COL19A1: variants seen among roughly 807,000 people sequenced by gnomAD.
The protein encoded by COL19A1 is collagen alpha-1(XIX) chain.
A neutral mutation model predicts 190.2 loss-of-function variants in COL19A1; 159 were observed. That is an observed-to-expected ratio of 0.84 (90% CI 0.73 to 0.95). COL19A1 has a LOEUF of 0.95. Ranked by LOEUF, COL19A1 falls within the 40% of genes least tolerant of loss-of-function variation. The pLI, the probability that COL19A1 is intolerant of heterozygous loss-of-function variation, is 0.00. For synonymous variants in COL19A1, 509 were observed against 458.9 expected, an observed-to-expected ratio of 1.11 and a Z score of -1.39; for missense variants, 1,418 against 1,431.9, an observed-to-expected ratio of 0.99 and a Z score of 0.16.
At chr6:69,882,994 C>G (rs1324370148) in intron 2 of COL19A1, among the ~76,000 whole-genome samples, 1 of 152,196 alleles carries the variant, frequency 6.6e-6, no homozygotes, top group Non-Finnish European at 1.5e-5. Flanking sequence ...TGGAGGAAAG[C>G]TTCACAATGA....
At chr6:69,980,141 A>C (rs1250404837) in intron 11 of COL19A1, among the ~76,000 whole-genome samples, 1 of 152,052 alleles carries the variant, frequency 6.6e-6, no homozygotes, top group African/African-American at 2.4e-5. Flanking sequence ...AGTAATTTAG[A>C]AATTTAGGGT....
intron 8 of COL19A1, 67 bp from the exon 9 acceptor site, chr6:69,937,971 A>G (rs1189861550): frequency 1.3e-6 from 2 of 1,501,184 alleles, no homozygotes; most frequent in African/African-American, 1.4e-5. Flanking sequence ...CTTCACATTT[A>G]TAAACCATTT....
At chr6:69,975,274 C>T (rs1453281812) in intron 11 of COL19A1, among the ~76,000 whole-genome samples, 1 of 152,214 alleles carries the variant, frequency 6.6e-6, no homozygotes, top group Non-Finnish European at 1.5e-5. Flanking sequence ...TGTTATAACT[C>T]ATCAGTGTAC....
intron 4 of COL19A1, among the ~76,000 whole-genome samples, chr6:69,913,167 A>G (rs1236587016): frequency 6.6e-6 from 1 of 152,224 alleles, no homozygotes; most frequent in East Asian, 1.9e-4. Flanking sequence ...CTTCTGATTT[A>G]CCCACAATAA....
intron 14 of COL19A1, chr6:70,059,736 C>T (rs57799585): frequency 1.9e-6 from 1 of 514,330 alleles, no homozygotes. Context: ...CCTATGTAGA[C>T]CTATGCAGAT....
At chr6:69,926,678 G>T (rs1170745866) in intron 4 of COL19A1, among the ~76,000 whole-genome samples, 1 of 151,966 alleles carries the variant, frequency 6.6e-6, no homozygotes, top group Non-Finnish European at 1.5e-5. Context: ...TTCTAGGAGT[G>T]GAGAGAGAGT....
intron 1 of COL19A1, among the ~76,000 whole-genome samples, chr6:69,871,293 T>A (rs1202726048): frequency 1.3e-5 from 2 of 152,222 alleles, no homozygotes; most frequent in Non-Finnish European, 2.9e-5. Flanking sequence ...GTGTAACACC[T>A]GTTGTTTTTG....
chr6:70,136,297 A>G (rs1248427169), intron 18 of COL19A1, among the ~76,000 whole-genome samples: 3 of 152,192 alleles, frequency 2.0e-5, no homozygotes, highest in African/African-American at 7.2e-5. Flanking sequence ...TGAGGCTTCA[A>G]AATGAACAAT....
chr6:69,910,398 A>G (rs1390196682), intron 4 of COL19A1, among the ~76,000 whole-genome samples: 1 of 152,164 alleles, frequency 6.6e-6, no homozygotes, highest in Non-Finnish European at 1.5e-5. Context: ...TTCACCTAAA[A>G]TTTCAAAAAT....
intron 10 of COL19A1, among the ~76,000 whole-genome samples, chr6:69,961,972 C>A (rs1190776247): frequency 1.3e-5 from 2 of 152,086 alleles, no homozygotes; most frequent in Non-Finnish European, 2.9e-5. Flanking sequence ...AGATCAGAAA[C>A]CCTCTATCTC....
chr6:70,137,871 A>G, intron 19 of COL19A1, 124 bp downstream of exon 19: 1 of 825,840 alleles, frequency 1.2e-6, no homozygotes, highest in Non-Finnish European at 2.0e-6. Flanking sequence ...AACAGATCAG[A>G]TCTTCAAGCA....
chr6:69,930,812 C>A (rs146362146), intron 6 of COL19A1, among the ~76,000 whole-genome samples: 2 of 151,940 alleles, frequency 1.3e-5, no homozygotes, highest in African/African-American at 4.8e-5. Flanking sequence ...AAACAAAAAA[C>A]AAACAAACAA....
chr6:70,103,027 A>C (rs1050500587), intron 16 of COL19A1, among the ~76,000 whole-genome samples: 1 of 151,988 alleles, frequency 6.6e-6, no homozygotes, highest in Non-Finnish European at 1.5e-5. Context: ...TACCCCCTAC[A>C]TGTTGGATGG....
chr6:70,116,670 G>C (rs1784599067), intron 16 of COL19A1, among the ~76,000 whole-genome samples: 1 of 151,670 alleles, frequency 6.6e-6, no homozygotes, highest in Non-Finnish European at 1.5e-5. Context: ...TGAATACAAA[G>C]GGAAAAATAA....
At chr6:70,187,993 C>T (rs920983339) in intron 46 of COL19A1, 82 bp from the exon 47 acceptor site, 14 of 1,497,644 alleles carry the variant, frequency 9.3e-6, no homozygotes, top group South Asian at 2.5e-5. Context: ...TAATAAGTGC[C>T]AGTATGAATC....
chr6:70,189,824 A>C (rs1766741500), intron 47 of COL19A1, among the ~76,000 whole-genome samples: 1 of 152,230 alleles, frequency 6.6e-6, no homozygotes, highest in Non-Finnish European at 1.5e-5. Flanking sequence ...CTTTTATCCC[A>C]TGAATACAAC....
At chr6:69,952,763 C>T (rs1442140643) in intron 9 of COL19A1, among the ~76,000 whole-genome samples, 2 of 152,000 alleles carry the variant, frequency 1.3e-5, no homozygotes, top group East Asian at 3.9e-4. Flanking sequence ...AATGAAATGA[C>T]TATGATCTTT....
intron 15 of COL19A1, among the ~76,000 whole-genome samples, chr6:70,079,286 GA>G (rs2150161738): frequency 1.3e-5 from 2 of 152,292 alleles, no homozygotes; most frequent in Admixed American, 1.3e-4. Flanking sequence ...TCTTTTAGAA[GA>G]GATGAGTCAG....
At chr6:69,874,874 A>G (rs193271045) in intron 1 of COL19A1, among the ~76,000 whole-genome samples, 54 of 152,384 alleles carry the variant, frequency 3.5e-4, no homozygotes, top group African/African-American at 1.3e-3. Flanking sequence ...ATCACTACAG[A>G]TTCCAAAATA....
Sources: allele counts gnomAD v4.1 joint callset (sites outside exome capture counted in the v4.1 genomes callset), GRCh38; gene constraint gnomAD v4.1.1; transcripts MANE v1.5; gene names NCBI Gene and HGNC (gene_info 2026-07-23, HGNC 2026-07-21).